TOX: variants seen among roughly 807,000 people sequenced by gnomAD.
The protein encoded by TOX is thymocyte selection associated high mobility group box, also known as thymocyte selection-associated high mobility group box protein TOX.
In TOX, 11 loss-of-function variants were observed where a neutral mutation model predicts 53.7. The observed-to-expected ratio is 0.20, with a 90% CI of 0.13 to 0.34. The LOEUF (loss-of-function observed/expected upper bound fraction) is 0.34. Ranked by LOEUF, TOX falls within the 10% of genes least tolerant of loss-of-function variation. The pLI is 1.00. For synonymous variants in TOX, 225 were observed against 245.3 expected, an observed-to-expected ratio of 0.92 and a Z score of 0.77; for missense variants, 570 against 664.6, an observed-to-expected ratio of 0.86 and a Z score of 1.56.
At chr8:58,929,943 A>G (rs721011) in intron 3 of TOX, among the ~76,000 whole-genome samples, 47,385 of 152,074 alleles carry the variant, frequency 0.31, 8,389 homozygotes, top group Non-Finnish European at 0.39. Flanking sequence ...AAATGGATTT[A>G]TCTAAAAAGG....
chr8:58,927,608 G>A (rs1447639534), intron 3 of TOX, among the ~76,000 whole-genome samples: 4 of 152,138 alleles, frequency 2.6e-5, no homozygotes, highest in South Asian at 2.1e-4. Flanking sequence ...GGCAAGAGTC[G>A]GAGCCCAATA....
chr8:58,936,511 G>A (rs914489951), intron 3 of TOX, among the ~76,000 whole-genome samples: 2 of 152,136 alleles, frequency 1.3e-5, no homozygotes, highest in African/African-American at 2.4e-5. Flanking sequence ...TTCAAACATT[G>A]AGACCATGGT....
intron 2 of TOX, among the ~76,000 whole-genome samples, chr8:58,955,035 C>A (rs1175506335): frequency 6.6e-6 from 1 of 152,160 alleles, no homozygotes; most frequent in Non-Finnish European, 1.5e-5. Flanking sequence ...TGAAAGCTGT[C>A]CTGGATATAT....
chr8:58,879,900 T>C (rs1811354922), intron 3 of TOX, among the ~76,000 whole-genome samples: 1 of 152,216 alleles, frequency 6.6e-6, no homozygotes, highest in South Asian at 2.1e-4. Flanking sequence ...CTTGTACTGG[T>C]ACAACCCATT....
intron 1 of TOX, among the ~76,000 whole-genome samples, chr8:59,015,627 G>A (rs1457828194): frequency 6.6e-6 from 1 of 152,066 alleles, no homozygotes; most frequent in Admixed American, 6.6e-5. Flanking sequence ...GATTATAAAA[G>A]ACATAGATAA....
intron 1 of TOX, among the ~76,000 whole-genome samples, chr8:59,046,491 G>A (rs1227502958): frequency 6.6e-6 from 1 of 152,158 alleles, no homozygotes; most frequent in Non-Finnish European, 1.5e-5. Flanking sequence ...AATCAGGATT[G>A]CAAAGGGTTC....
At chr8:58,826,967 A>T in intron 5 of TOX, 65 bp from the exon 6 acceptor site, 3 of 1,269,956 alleles carry the variant, frequency 2.4e-6, no homozygotes, top group Non-Finnish European at 3.3e-6. Flanking sequence ...GAGAAGTACA[A>T]TATAGAATGA....
intron 1 of TOX, among the ~76,000 whole-genome samples, chr8:59,012,634 A>G (rs532918779): frequency 1.5e-4 from 23 of 152,238 alleles, no homozygotes; most frequent in South Asian, 6.2e-4. Context: ...AACTAATGGT[A>G]TAAAAACTAA....
intron 1 of TOX, among the ~76,000 whole-genome samples, chr8:58,968,402 A>G (rs1812941668): frequency 6.6e-6 from 1 of 152,230 alleles, no homozygotes; most frequent in African/African-American, 2.4e-5. Context: ...CTGTAAAACT[A>G]TACCGTATAG....
At chr8:58,912,684 C>T (rs1023018353) in intron 3 of TOX, among the ~76,000 whole-genome samples, 6 of 152,102 alleles carry the variant, frequency 3.9e-5, no homozygotes, top group African/African-American at 1.4e-4. Context: ...TTTGAGAAAC[C>T]CCACGGCTCA....
At chr8:59,023,894 A>G (rs1378719373) in intron 1 of TOX, among the ~76,000 whole-genome samples, 1 of 152,190 alleles carries the variant, frequency 6.6e-6, no homozygotes, top group Non-Finnish European at 1.5e-5. Flanking sequence ...GAACTCCCCA[A>G]AGTTCTCACT....
intron 1 of TOX, among the ~76,000 whole-genome samples, chr8:58,961,716 C>T (rs1812801060): frequency 6.6e-6 from 1 of 152,090 alleles, no homozygotes; most frequent in Admixed American, 6.6e-5. Context: ...TTAGTAGAGG[C>T]AGGGTCTTGA....
chr8:59,032,737 C>T (rs559767762), intron 1 of TOX, among the ~76,000 whole-genome samples: 34 of 152,302 alleles, frequency 2.2e-4, no homozygotes, highest in South Asian at 6.2e-4. Context: ...CAGTGGCTCA[C>T]GCCTGTAATC....
At chr8:58,973,170 T>C (rs1371410947) in intron 1 of TOX, among the ~76,000 whole-genome samples, 1 of 152,168 alleles carries the variant, frequency 6.6e-6, no homozygotes, top group Non-Finnish European at 1.5e-5. Flanking sequence ...CTATTCCCCA[T>C]TCTACATAAT....
At chr8:59,039,993 G>A in intron 1 of TOX, among the ~76,000 whole-genome samples, 1 of 152,068 alleles carries the variant, frequency 6.6e-6, no homozygotes, top group East Asian at 1.9e-4. Flanking sequence ...AGAAATTCAC[G>A]GAGAATTTCA....
chr8:58,850,184 C>T (rs1030502412), intron 4 of TOX, among the ~76,000 whole-genome samples: 2 of 152,096 alleles, frequency 1.3e-5, no homozygotes, highest in African/African-American at 2.4e-5. Context: ...TGTTCTAAAA[C>T]GTACTTGGGA....
chr8:59,015,407 C>T (rs563083804), intron 1 of TOX, among the ~76,000 whole-genome samples: 29 of 152,190 alleles, frequency 1.9e-4, no homozygotes, highest in Non-Finnish European at 3.8e-4. Flanking sequence ...TCCCCTCCCC[C>T]AACATGCAAA....
At chr8:58,928,669 A>G (rs1171670845) in intron 3 of TOX, among the ~76,000 whole-genome samples, 2 of 152,178 alleles carry the variant, frequency 1.3e-5, no homozygotes, top group Non-Finnish European at 2.9e-5. Context: ...AATAGAAAAA[A>G]TACTTCAAAA....
rs535426709 is a variant in TOX, at chr8:58,823,316, C to T, written c.1005+3506G>A. Among the ~76,000 whole-genome samples, 51 of 152,190 alleles carry T rather than the reference C, an allele frequency of 3.4e-4. 3 individuals carry two copies. In the South Asian group the frequency reaches 8.1e-3, roughly 24 times the overall value. ...TTGGCTCACTGCAACCTCTACCTCACGGGTTCAAGTGATTCTCCTGCTTCA... is the reference window on the plus strand; with the variant it reads ...TTGGCTCACTGCAACCTCTACCTCATGGGTTCAAGTGATTCTCCTGCTTCA... On this transcript the variant is annotated intron_variant, in intron 6 of 8. Transcript: ENST00000361421.
Sources: gnomAD v4.1 joint callset for allele counts (sites outside exome capture counted in the v4.1 genomes callset) on GRCh38, gnomAD v4.1.1 for gene constraint, MANE v1.5 for transcripts, NCBI Gene and HGNC (gene_info 2026-07-23, HGNC 2026-07-21) for gene names.